Variants in ADAMTS14 observed in about 807,000 individuals in gnomAD.
ADAMTS14 encodes the protein A disintegrin and metalloproteinase with thrombospondin motifs 14.
A neutral mutation model predicts 128.6 loss-of-function variants in ADAMTS14; 100 were observed. That is an observed-to-expected ratio of 0.78 (90% CI 0.66 to 0.92). The LOEUF (loss-of-function observed/expected upper bound fraction) is 0.92, where lower values mean the gene tolerates loss of function less well. ADAMTS14 is among the 40% of genes least tolerant of loss of function. The probability of loss-of-function intolerance (pLI) is 0.00; values close to 1 mark genes in which losing one functional copy is unlikely to be tolerated. For synonymous variants in ADAMTS14, 665 were observed against 653.8 expected, an observed-to-expected ratio of 1.02 and a Z score of -0.26; for missense variants, 1,562 against 1,658.6, an observed-to-expected ratio of 0.94 and a Z score of 1.01.
intron 15 of ADAMTS14, among the ~76,000 whole-genome samples, chr10:70,748,013 C>A (rs572047806): frequency 6.6e-6 from 1 of 152,166 alleles, no homozygotes; most frequent in East Asian, 1.9e-4. Context: ...GAATTGGGGA[C>A]ATGGGGTCTT....
intron 2 of ADAMTS14, among the ~76,000 whole-genome samples, chr10:70,687,955 C>A (rs1295198397): frequency 1.7e-5 from 1 of 57,730 alleles, no homozygotes; most frequent in African/African-American, 7.2e-5. Flanking sequence ...GCTGGCCGGG[C>A]GGGGGGCTGA....
intron 15 of ADAMTS14, 132 bp from the exon 16 acceptor site, chr10:70,749,690 T>G (rs1360729278): frequency 8.7e-7 from 1 of 1,150,656 alleles, no homozygotes; most frequent in East Asian, 2.6e-5. Flanking sequence ...TCGGGAGGGC[T>G]TGGGTGGGAA....
chr10:70,672,796 C>A lies in ADAMTS14; in HGVS notation c.-7C>A, dbSNP rs1057122756. 3.3e-6 allele frequency: 5 copies of A among 1,502,026 alleles called. No individual in the cohort carries two copies. In the African/African-American group the frequency reaches 5.8e-5, roughly 17 times the overall value. 93.0% of individuals were successfully genotyped at this position (1,502,026 alleles called of 1,614,324 possible). A position where few individuals can be genotyped will look rare whatever the true frequency, so the allele number is the denominator to read the frequency against. On this transcript the variant is annotated 5_prime_UTR_variant, in exon 1 of 22. Coordinates refer to ENST00000373207, the MANE Select transcript of ADAMTS14 (RefSeq NM_080722.4). Reference sequence around the variant, plus strand: ...CGCTTGCCCAGCCCGCGTCCCAGCGCGGCCACATGGCTCCACTCCGCGCGC... The same window carrying A: ...CGCTTGCCCAGCCCGCGTCCCAGCGAGGCCACATGGCTCCACTCCGCGCGC...
At chr10:70,731,751 CT>C (rs1193015341) in intron 6 of ADAMTS14, among the ~76,000 whole-genome samples, 2 of 152,186 alleles carry the variant, frequency 1.3e-5, no homozygotes. Flanking sequence ...GAATTCTAGC[CT>C]TTCTGGCCCA....
intron 2 of ADAMTS14, among the ~76,000 whole-genome samples, chr10:70,679,780 C>A (rs967423262): frequency 6.6e-6 from 1 of 152,244 alleles, no homozygotes; most frequent in African/African-American, 2.4e-5. Flanking sequence ...TTTCCACTCT[C>A]TGCAGATCTT....
chr10:70,760,293 G>A (rs985668978), intron 21 of ADAMTS14, 67 bp from the exon 22 acceptor site: 2 of 1,500,206 alleles, frequency 1.3e-6, no homozygotes, highest in East Asian at 4.6e-5. Context: ...TAAGTGGGAG[G>A]GGGGGCCACC....
chr10:70,751,183 A>C (rs532354932), intron 16 of ADAMTS14, among the ~76,000 whole-genome samples: 35 of 152,338 alleles, frequency 2.3e-4, no homozygotes, highest in African/African-American at 3.4e-4. Context: ...AGACAGACAG[A>C]CAGCCAGCCC....
chr10:70,734,861 C>T lies in ADAMTS14; in HGVS notation c.1353-308C>T, dbSNP rs1006583139. ...AATCAACCATTAGTCTTGGCCATAT[C>T]GTGTCCCTCTAAGGTGGGCAAAATG... On this transcript the variant is annotated intron_variant, in intron 8 of 21. Coordinates refer to ENST00000373207, the MANE Select transcript of ADAMTS14 (RefSeq NM_080722.4). Among the ~76,000 whole-genome samples the T allele has an allele frequency of 2.6e-5, 4 of 152,332 alleles. No homozygotes were observed. In the East Asian group the frequency reaches 5.8e-4, roughly 22 times the overall value.
chr10:70,677,406 G>T (rs1184878038), intron 2 of ADAMTS14, among the ~76,000 whole-genome samples: 5 of 152,052 alleles, frequency 3.3e-5, no homozygotes, highest in Non-Finnish European at 7.4e-5. Context: ...CTTCTCATTT[G>T]TCCAAAGAGG....
chr10:70,693,523 A>G (rs1204877698), intron 2 of ADAMTS14, among the ~76,000 whole-genome samples: 1 of 152,108 alleles, frequency 6.6e-6, no homozygotes, highest in Non-Finnish European at 1.5e-5. Context: ...CCTTATGTAT[A>G]TTGCTTTCTC....
chr10:70,760,238 A>T, intron 21 of ADAMTS14, 122 bp from the exon 22 acceptor site: 3 of 1,314,356 alleles, frequency 2.3e-6, no homozygotes, highest in Non-Finnish European at 3.0e-6. Flanking sequence ...AAAGCTTTAT[A>T]GTGGGTCCAG....
At chr10:70,744,575 T>A (rs1842117199) in intron 14 of ADAMTS14, among the ~76,000 whole-genome samples, 1 of 152,166 alleles carries the variant, frequency 6.6e-6, no homozygotes, top group Admixed American at 6.5e-5. Context: ...TATTTTTTTT[T>A]AAACCTGTGG....
chr10:70,741,112 A>G lies in ADAMTS14; in HGVS notation c.1874A>G (p.Tyr625Cys), dbSNP rs1841984698. 1.2e-6 allele frequency: 2 copies of G among 1,613,834 alleles called. No homozygotes were observed. The highest frequency in any genetic ancestry group is 8.5e-7 in the Non-Finnish European group (1 of 1,179,984). ...AQQCAKRNSY[Y>C]VHQNAKHSWV... is the part of the protein sequence containing the mutation. ...CAGTGTGCCAAGCGCAACTCCTACT[A>G]TGTGCACCAGAATGCCAAGCACAGC... The change falls in exon 12 of 22, where the codon TAT becomes TGT. Residue 625 changes from tyrosine (Y) to cysteine (C), a missense_variant. Transcript: ENST00000373207.
intron 2 of ADAMTS14, among the ~76,000 whole-genome samples, chr10:70,693,368 C>A (rs951045089): frequency 1.3e-5 from 2 of 152,190 alleles, no homozygotes; most frequent in Non-Finnish European, 2.9e-5. Context: ...GAATGTCACC[C>A]CCAGCACTGA....
Position 70,744,147 on chromosome 10 carries a change from A to G in ADAMTS14, c.2140A>G (p.Arg714Gly). The G allele has an allele frequency of 6.4e-7, 1 of 1,551,894 alleles. No homozygotes were observed. The change falls in exon 14 of 22, where the codon AGG becomes GGG. Residue 714 changes from arginine to glycine, a missense_variant. Physicochemically the swap from Arg to Gly is moderately radical, Grantham distance 125. Transcript: ENST00000373207. ...CTGCGGGGGTGACAACTCCCACTGC[A>G]GGACTGTGAAGGGGACGCTGGGCAA... ...GVCGGDNSHC[R>G]TVKGTLGKAS...
chr10:70,760,977 T>G lies in ADAMTS14; in HGVS notation c.*124T>G. The G allele has an allele frequency of 7.5e-7, 1 of 1,339,984 alleles. No individual in the cohort carries two copies. 83.0% of individuals were successfully genotyped at this position (1,339,984 alleles called of 1,614,324 possible). A position where few individuals can be genotyped will look rare whatever the true frequency, so the allele number is the denominator to read the frequency against. ...ACTTCATTTTAAATCATTCGCCTTC[T>G]TCTCGTTTGGGGCTGTGATGCTCTT... On this transcript the variant is annotated 3_prime_UTR_variant, in exon 22 of 22. Coordinates refer to ENST00000373207, the MANE Select transcript of ADAMTS14 (RefSeq NM_080722.4).
intron 4 of ADAMTS14, among the ~76,000 whole-genome samples, chr10:70,714,622 G>C (rs1840967342): frequency 1.3e-5 from 2 of 152,174 alleles, no homozygotes; most frequent in South Asian, 4.1e-4. Flanking sequence ...ATATAGGGGT[G>C]CTCCATGATG....
At chr10:70,716,049 A>G (rs79821170) in intron 4 of ADAMTS14, among the ~76,000 whole-genome samples, 3,472 of 152,300 alleles carry the variant, frequency 0.023, 63 homozygotes, top group Non-Finnish European at 0.032. Flanking sequence ...GCATGACTCA[A>G]AGCTGTGGCC....
intron 15 of ADAMTS14, among the ~76,000 whole-genome samples, chr10:70,746,245 T>A (rs1346971289): frequency 6.6e-6 from 1 of 152,188 alleles, no homozygotes; most frequent in African/African-American, 2.4e-5. Flanking sequence ...CTAGGCTCGA[T>A]TAAAAATGAG....
Sources: allele counts gnomAD v4.1 joint callset (sites outside exome capture counted in the v4.1 genomes callset), GRCh38; gene constraint gnomAD v4.1.1; transcripts MANE v1.5; gene names NCBI Gene and HGNC (gene_info 2026-07-23, HGNC 2026-07-21).